RCHY1: variants seen among roughly 807,000 people sequenced by gnomAD.
RCHY1 encodes RING finger and CHY zinc finger domain-containing protein 1.
In RCHY1, 21 loss-of-function variants were observed where a neutral mutation model predicts 41.6. The observed-to-expected ratio is 0.51, with a 90% confidence interval of 0.36 to 0.73. The LOEUF is 0.73. Ranked by LOEUF, RCHY1 falls within the 30% of genes least tolerant of loss-of-function variation. The probability of loss-of-function intolerance (pLI) is 0.00; values close to 1 mark genes in which losing one functional copy is unlikely to be tolerated. For missense variants in RCHY1, 265 were observed against 325.3 expected, an observed-to-expected ratio of 0.81 and a Z score of 1.43; for synonymous variants, 79 against 102.9, an observed-to-expected ratio of 0.77 and a Z score of 1.41.
intron 1 of RCHY1, among the ~76,000 whole-genome samples, chr4:75,513,748 T>C (rs1725216875): frequency 1.3e-5 from 2 of 152,224 alleles, no homozygotes; most frequent in South Asian, 4.1e-4. Context: ...CGTCTGAACA[T>C]GTGCACTGCC....
chr4:75,509,107 T>C (rs1724614534), intron 2 of RCHY1, 70 bp downstream of exon 2: 3 of 1,429,156 alleles, frequency 2.1e-6, no homozygotes, highest in South Asian at 1.3e-5. Context: ...TATGATACTT[T>C]TGATTAAATT....
intron 8 of RCHY1, among the ~76,000 whole-genome samples, chr4:75,483,718 T>C (rs995508513): frequency 6.6e-6 from 1 of 152,200 alleles, no homozygotes; most frequent in Admixed American, 6.6e-5. Flanking sequence ...CCCTAACAAT[T>C]ATCCACATGA....
At chr4:75,514,414 C>T (rs1308452855), upstream of RCHY1, 20 of 1,085,662 alleles carry the variant, frequency 1.8e-5, no homozygotes, top group Non-Finnish European at 1.3e-5. Context: ...GGCTCCTAAG[C>T]ACGTGACCCG....
At chr4:75,508,291 T>C (rs1430266635) in intron 3 of RCHY1, among the ~76,000 whole-genome samples, 1 of 152,084 alleles carries the variant, frequency 6.6e-6, no homozygotes, top group Non-Finnish European at 1.5e-5. Flanking sequence ...TGCTTTAATA[T>C]ACATCTAAAA....
chr4:75,492,488 C>T (rs189840454), intron 4 of RCHY1, among the ~76,000 whole-genome samples: 40 of 151,994 alleles, frequency 2.6e-4, no homozygotes, highest in African/African-American at 9.6e-4. Flanking sequence ...CAAAGTCACA[C>T]ATTAATAAGA....
At chr4:75,495,173 T>C (rs1016424084) in intron 3 of RCHY1, among the ~76,000 whole-genome samples, 41 of 152,132 alleles carry the variant, frequency 2.7e-4, no homozygotes, top group African/African-American at 8.9e-4. Context: ...CTTTGTCATA[T>C]AGCCATTTTT....
intron 3 of RCHY1, among the ~76,000 whole-genome samples, chr4:75,502,317 G>T (rs1553919760): frequency 6.6e-6 from 1 of 152,062 alleles, no homozygotes; most frequent in Non-Finnish European, 1.5e-5. Flanking sequence ...AAGGCAGGTG[G>T]ATCACGAGGT....
chr4:75,504,855 A>G (rs1225373943), intron 3 of RCHY1, among the ~76,000 whole-genome samples: 1 of 152,248 alleles, frequency 6.6e-6, no homozygotes, highest in African/African-American at 2.4e-5. Context: ...AAAGGGCTTT[A>G]AAATATTTTT....
At chr4:75,487,485 C>CATAATATATATATTCATAAT (rs1553917479) in intron 8 of RCHY1, among the ~76,000 whole-genome samples, 2 of 89,296 alleles carry the variant, frequency 2.2e-5, no homozygotes, top group Non-Finnish European at 4.7e-5. Context: ...TATATATAGT[C>CATAATATATATATTCATAAT]ATATATATTC....
At chr4:75,493,957 C>G (rs751604398) in intron 4 of RCHY1, 144 bp downstream of exon 4, 1 of 560,220 alleles carries the variant, frequency 1.8e-6, no homozygotes, top group Non-Finnish European at 3.1e-6. Context: ...AAAATATCTA[C>G]TTGTTAATAC....
At chr4:75,498,284 C>T (rs1258422308) in intron 3 of RCHY1, among the ~76,000 whole-genome samples, 2 of 151,542 alleles carry the variant, frequency 1.3e-5, no homozygotes, top group Non-Finnish European at 2.9e-5. Context: ...ACAAAAAAAC[C>T]TCAATAAGCC....
At chr4:75,510,717 T>C (rs1462359220) in intron 1 of RCHY1, among the ~76,000 whole-genome samples, 3 of 152,364 alleles carry the variant, frequency 2.0e-5, no homozygotes, top group Admixed American at 1.3e-4. Flanking sequence ...GGATTTTATC[T>C]ATTGACATAT....
intron 1 of RCHY1, 145 bp downstream of exon 1, chr4:75,514,052 T>G: frequency 2.3e-6 from 3 of 1,332,496 alleles, no homozygotes; most frequent in Non-Finnish European, 3.0e-6. Flanking sequence ...AACGTTCTCC[T>G]CAAGAAGAAC....
chr4:75,506,120 AC>A (rs1724279520), intron 3 of RCHY1, among the ~76,000 whole-genome samples: 1 of 150,910 alleles, frequency 6.6e-6, no homozygotes, highest in Non-Finnish European at 1.5e-5. Flanking sequence ...AAAAAATAGA[AC>A]AGGACATACA....
chr4:75,503,831 T>C (rs756773513), intron 3 of RCHY1, among the ~76,000 whole-genome samples: 3 of 152,232 alleles, frequency 2.0e-5, no homozygotes, highest in Non-Finnish European at 2.9e-5. Flanking sequence ...TTCCATCTTT[T>C]ATGACGTTTG....
In RCHY1 at chr4:75,481,901, A is replaced by G. The variant is rs1721552296; in HGVS notation, c.*637T>C. 1 of 152,150 alleles carries G rather than the reference A, an allele frequency of 6.6e-6. No homozygotes were observed. Among genetic ancestry groups the G allele is most frequent in the Non-Finnish European group, 1.5e-5 (1 of 68,000 alleles). The allele number at this position is 152,150 out of a possible 1,614,324, so 9.4% of individuals were successfully genotyped here. A position where few individuals can be genotyped will look rare whatever the true frequency, so the allele number is the denominator to read the frequency against. On this transcript the variant is annotated 3_prime_UTR_variant, in exon 9 of 9. Transcript: ENST00000324439. ...CATAATAATTTTCCCAACTACTTTT[A>G]TGGAATACCTCAAAAGAAAGAAAAT...
Position 75,491,776 on chromosome 4 carries a change from G to A in RCHY1, c.457C>T (p.His153Tyr), listed in dbSNP as rs1379414580. 1.9e-6 allele frequency: 3 copies of A among 1,612,772 alleles called. No individual in the cohort carries two copies. Among genetic ancestry groups the A allele is most frequent in the Non-Finnish European group, 2.5e-6 (3 of 1,179,128 alleles). ...QNCPICLEDI[H>Y]TSRVVAHVLP... is the part of the protein sequence containing the mutation. The stretch of plus-strand genomic sequence containing the variant: ...ACATGAGCAACAACACGGGATGTGT[G>A]AATGTCCTGTAAATGAAATAAATGT... The change falls in exon 6 of 9, where the codon CAC becomes TAC. Residue 153 changes from histidine to tyrosine, a missense_variant. His to Tyr is a moderately conservative substitution (Grantham distance 83, BLOSUM62 2). Coordinates refer to ENST00000324439, the MANE Select transcript of RCHY1 (RefSeq NM_015436.4).
intron 3 of RCHY1, among the ~76,000 whole-genome samples, chr4:75,496,148 C>T (rs542361301): frequency 6.6e-6 from 1 of 152,186 alleles, no homozygotes; most frequent in Admixed American, 6.5e-5. Context: ...TAACGGAGAT[C>T]AGACCTACCC....
At chr4:75,491,820 A>AAT in intron 5 of RCHY1, 38 bp from the exon 6 acceptor site, 1 of 1,604,644 alleles carries the variant, frequency 6.2e-7, no homozygotes, top group Non-Finnish European at 8.5e-7. Context: ...GTATGAAGAC[A>AAT]ATATAAACAT....
Sources: allele counts gnomAD v4.1 joint callset (sites outside exome capture counted in the v4.1 genomes callset), GRCh38; gene constraint gnomAD v4.1.1; transcripts MANE v1.5; gene names NCBI Gene and HGNC (gene_info 2026-07-23, HGNC 2026-07-21).